The following ID2 variants were observed in gnomAD, a reference collection of about 807,000 sequenced individuals.
The protein encoded by ID2 is inhibitor of DNA binding 2.
In ID2, 2 loss-of-function variants were observed where a neutral mutation model predicts 8.3. That is an observed-to-expected ratio of 0.24 (90% confidence interval 0.10 to 0.76). The LOEUF is 0.76. Ranked by LOEUF, ID2 falls within the 30% of genes least tolerant of loss-of-function variation. ID2 has a pLI of 0.73. For synonymous variants in ID2, 112 were observed against 72.3 expected (o/e 1.55, Z -2.79); for missense variants, 155 against 167.0 (o/e 0.93, Z 0.40).
intron 1 of ID2, 26 bp downstream of exon 1, chr2:8,682,539 C>G (rs750362423): frequency 1.9e-6 from 3 of 1,555,422 alleles, no homozygotes; most frequent in Non-Finnish European, 2.6e-6. Flanking sequence ...GGGTCCCCGC[C>G]CCGCCGCCGC....
In ID2 at chr2:8,684,091, CTTT is replaced by C. The variant is rs949684920; in HGVS notation, c.*417_*419del. On this transcript the variant is annotated 3_prime_UTR_variant, in exon 3 of 3. Coordinates refer to ENST00000396290, the MANE Select transcript of ID2 (RefSeq NM_002166.5). ...ATGAAGTCTTTTGGTCAGAAATTACCTTTTTGACACAAGCCTACTGAATGCTGT... is the reference window on the plus strand; with the variant it reads ...ATGAAGTCTTTTGGTCAGAAATTACCTTGACACAAGCCTACTGAATGCTGT... 3.3e-5 allele frequency: 5 copies of C among 152,170 alleles called. No homozygotes were observed. Among genetic ancestry groups the C allele is most frequent in the African/African-American group, 9.7e-5 (4 of 41,354 alleles). The allele number at this position is 152,170 out of a possible 1,614,324, so 9.4% of individuals were successfully genotyped here.
Position 8,682,479 on chromosome 2 carries a change from C to T in ID2, c.314C>T (p.Thr105Ile). ...CAGGCGTCCAGGACGCCGCTGACCA[C>T]CCTCAACACGGATATCAGCATCCTG... Reference protein sequence around the residue: ...QNQASRTPLTTLNTDISILSL... With the variant: ...QNQASRTPLTILNTDISILSL... The change falls in exon 1 of 3, where the codon ACC becomes ATC. Residue 105 changes from threonine to isoleucine, a missense_variant. Thr to Ile is a moderately conservative substitution (Grantham distance 89). Around this residue, in one of 3 missense-constraint regions of ID2, gnomAD observed 75 missense variants for 72.2 expected, o/e 1.04. Coordinates refer to ENST00000396290, the MANE Select transcript of ID2 (RefSeq NM_002166.5). 6.2e-7 allele frequency: 1 copy of T among 1,613,402 alleles called. No homozygotes were observed. The highest frequency in any genetic ancestry group is 1.1e-5 in the South Asian group (1 of 91,076).
chr2:8,683,052 T>G, intron 2 of ID2, 146 bp downstream of exon 2: 1 of 681,302 alleles, frequency 1.5e-6, no homozygotes, highest in Non-Finnish European at 2.7e-6. Flanking sequence ...CTACATTGTC[T>G]CACTAGACAT....
Position 8,682,396 on chromosome 2 carries a change from C to T in ID2, c.231C>T (p.Ile77=). The change falls in exon 1 of 3, where the codon ATC becomes ATT. Residue 77 remains isoleucine, a synonymous_variant. Transcript: ENST00000396290. ...TCGACTACATCTTGGACCTGCAGAT[C>T]GCCCTGGACTCGCATCCCACTATTG... ...HVIDYILDLQ[I]ALDSHPTIVS... 2 of 1,613,928 alleles carry T rather than the reference C, an allele frequency of 1.2e-6. No homozygotes were observed. The highest frequency in any genetic ancestry group is 2.2e-5 in the East Asian group (1 of 44,884).
intron 1 of ID2, 83 bp from the exon 2 acceptor site, chr2:8,682,760 T>G: frequency 1.1e-6 from 1 of 928,570 alleles, no homozygotes; most frequent in Non-Finnish European, 1.6e-6. Context: ...GTCTGTGGAC[T>G]ACAAAAAAAA....
intron 1 of ID2, 145 bp from the exon 2 acceptor site, chr2:8,682,698 T>G: frequency 1.3e-6 from 1 of 741,002 alleles, no homozygotes; most frequent in Non-Finnish European, 2.3e-6. Flanking sequence ...TGTTAATGCG[T>G]CTGTCTTTAA....
intron 2 of ID2, 145 bp downstream of exon 2, chr2:8,683,051 C>T (rs1662134453): frequency 4.3e-6 from 3 of 699,100 alleles, no homozygotes; most frequent in Non-Finnish European, 7.9e-6. Context: ...ACTACATTGT[C>T]TCACTAGACA....
intron 2 of ID2, 50 bp from the exon 3 acceptor site, chr2:8,683,619 AGTCGCCCGCCTCTGCC>A (rs1662155889): frequency 2.6e-5 from 4 of 152,332 alleles, no homozygotes; most frequent in African/African-American, 9.7e-5. Context: ...TCCCGGCGCC[AGTCGCCCGCCTCTGCC>A]CTTAGGTTAC....
rs1481663737 is a variant in ID2, at chr2:8,682,478, A to G, written c.313A>G (p.Thr105Ala). 1.3e-5 allele frequency: 21 copies of G among 1,613,170 alleles called. No individual in the cohort carries two copies. Among genetic ancestry groups the G allele is most frequent in the Non-Finnish European group, 1.7e-5 (20 of 1,179,960 alleles). The change falls in exon 1 of 3, where the codon ACC (threonine) becomes GCC (alanine). Residue 105 changes from threonine (T) to alanine (A), a missense_variant. By Grantham distance (58) the Thr-to-Ala change is moderately conservative. This residue lies in a region of ID2 where 75 missense variants were observed against 72.2 expected (regional missense o/e 1.04). Coordinates refer to ENST00000396290, the MANE Select transcript of ID2 (RefSeq NM_002166.5). ...CCAGGCGTCCAGGACGCCGCTGACC[A>G]CCCTCAACACGGATATCAGCATCCT... ...QNQASRTPLT[T>A]LNTDISILSL...
Position 8,683,798 on chromosome 2 carries a change from A to C in ID2, c.*121A>C, listed in dbSNP as rs1197646394. On this transcript the variant is annotated 3_prime_UTR_variant, in exon 3 of 3. Coordinates refer to ENST00000396290, the MANE Select transcript of ID2 (RefSeq NM_002166.5). ...TTCACAAGGAGGACAAGTTGAATGG[A>C]CCTTTTTAAAAAGAAAAAAAAAATG... is the stretch of plus-strand genomic sequence containing the variant. The C allele has an allele frequency of 6.7e-6, 1 of 149,978 alleles. No homozygotes were observed. Among genetic ancestry groups the C allele is most frequent in the Non-Finnish European group, 1.5e-5 (1 of 67,784 alleles). 9.3% of individuals were successfully genotyped at this position (149,978 alleles called of 1,614,324 possible).
In ID2 at chr2:8,682,459, G is replaced by A. The variant is rs781291332; in HGVS notation, c.294G>A (p.Ala98=). 4.3e-6 allele frequency: 7 copies of A among 1,613,416 alleles called. No individual in the cohort carries two copies. The highest frequency in any genetic ancestry group is 5.9e-6 in the Non-Finnish European group (7 of 1,180,028). The part of the protein sequence containing the change: ...LHHQRPGQNQ[A]SRTPLTTLNT... ...ACCAGAGACCCGGGCAGAACCAGGCGTCCAGGACGCCGCTGACCACCCTCA... is the reference window on the plus strand; with the variant it reads ...ACCAGAGACCCGGGCAGAACCAGGCATCCAGGACGCCGCTGACCACCCTCA... Residue 98 remains alanine (A), a synonymous_variant, in exon 1 of 3, where the codon GCG becomes GCA. Coordinates refer to ENST00000396290, the MANE Select transcript of ID2 (RefSeq NM_002166.5).
At chr2:8,682,598 C>G in intron 1 of ID2, 85 bp downstream of exon 1, 2 of 968,752 alleles carry the variant, frequency 2.1e-6, no homozygotes, top group East Asian at 4.9e-5. Context: ...GTAGCCCAGA[C>G]GGTGACTTTC....
In ID2 at chr2:8,682,470, C is replaced by T. The variant is rs1399125971; in HGVS notation, c.305C>T (p.Pro102Leu). ...RPGQNQASRT[P>L]LTTLNTDISI... is the part of the protein sequence containing the mutation. ...GGGCAGAACCAGGCGTCCAGGACGC[C>T]GCTGACCACCCTCAACACGGATATC... The change falls in exon 1 of 3, where the codon CCG (proline) becomes CTG (leucine). Residue 102 changes from proline (P) to leucine (L), a missense_variant. Pro to Leu is a moderately conservative substitution (Grantham distance 98). Around this residue, in one of 3 missense-constraint regions of ID2, gnomAD observed 75 missense variants for 72.2 expected, o/e 1.04. Coordinates refer to ENST00000396290, the MANE Select transcript of ID2 (RefSeq NM_002166.5). The T allele has an allele frequency of 1.2e-6, 2 of 1,613,406 alleles. No homozygotes were observed. Among genetic ancestry groups the T allele is most frequent in the Non-Finnish European group, 1.7e-6 (2 of 1,180,008 alleles).
chr2:8,683,893 G>A lies in ID2; in HGVS notation c.*216G>A, dbSNP rs985157317. ...TTGGACTGTGATATTCGTTATTTAT[G>A]AAAAAGACTTTTAAATGCCCTTTCT... is the stretch of plus-strand genomic sequence containing the variant. On this transcript the variant is annotated 3_prime_UTR_variant, in exon 3 of 3. Transcript: ENST00000396290. 4 of 152,492 alleles carry A rather than the reference G, an allele frequency of 2.6e-5. No homozygotes were observed. Among genetic ancestry groups the A allele is most frequent in the Non-Finnish European group, 5.9e-5 (4 of 68,028 alleles). 9.4% of individuals were successfully genotyped at this position (152,492 alleles called of 1,614,324 possible). A position where few individuals can be genotyped will look rare whatever the true frequency, so the allele number is the denominator to read the frequency against.
At position 8,682,887 on chromosome 2, in the gene ID2, A is replaced by C. The variant is rs766410241; in HGVS notation, c.393A>C (p.Ala131=). The C allele has an allele frequency of 1.2e-6, 2 of 1,613,954 alleles. No individual in the cohort carries two copies. Among genetic ancestry groups the C allele is most frequent in the East Asian group, 4.5e-5 (2 of 44,890 alleles). ...PSELMSNDSK[A]LCG ...AGTTAATGTCAAATGACAGCAAAGC[A>C]CTGTGTGGCTGAATAAGCGGTGAGT... is the stretch of plus-strand genomic sequence containing the variant. Residue 131 remains alanine, a synonymous_variant, in exon 2 of 3, where the codon GCA becomes GCC. Coordinates refer to ENST00000396290, the MANE Select transcript of ID2 (RefSeq NM_002166.5).
chr2:8,682,235 C>T lies in ID2; in HGVS notation c.70C>T (p.Arg24Trp). 6.2e-7 allele frequency: 1 copy of T among 1,614,078 alleles called. No individual in the cohort carries two copies. The highest frequency in any genetic ancestry group is 8.5e-7 in the Non-Finnish European group (1 of 1,180,030). The stretch of plus-strand genomic sequence containing the variant: ...GTCGGACCACAGCCTGGGCATCTCC[C>T]GGAGCAAAACCCCTGTGGACGACCC... ...SLSDHSLGIS[R>W]SKTPVDDPMS... Residue 24 changes from arginine (R) to tryptophan (W), a missense_variant, in exon 1 of 3, where the codon CGG becomes TGG. Physicochemically the swap from Arg to Trp is moderately radical, Grantham distance 101. Around this residue, in one of 3 missense-constraint regions of ID2, gnomAD observed 73 missense variants for 72.2 expected, o/e 1.01. Transcript: ENST00000396290.
chr2:8,682,315 G>A lies in ID2; in HGVS notation c.150G>A (p.Val50=). 1 of 1,614,140 alleles carries A rather than the reference G, an allele frequency of 6.2e-7. No individual in the cohort carries two copies. Among genetic ancestry groups the A allele is most frequent in the Non-Finnish European group, 8.5e-7 (1 of 1,180,034 alleles). ...NDCYSKLKEL[V]PSIPQNKKVS... ...GCTACTCCAAGCTCAAGGAGCTGGT[G>A]CCCAGCATCCCCCAGAACAAGAAGG... The change falls in exon 1 of 3, where the codon GTG becomes GTA. Residue 50 remains valine, a synonymous_variant. Coordinates refer to ENST00000396290, the MANE Select transcript of ID2 (RefSeq NM_002166.5).
rs1471149389 is a variant in ID2 at position 8,682,426 on chromosome 2, C to T, written c.261C>T (p.Ser87=). 1.9e-6 allele frequency: 3 copies of T among 1,613,792 alleles called. No individual in the cohort carries two copies. The highest frequency in any genetic ancestry group is 1.1e-5 in the South Asian group (1 of 91,086). ...TGGACTCGCATCCCACTATTGTCAG[C>T]CTGCATCACCAGAGACCCGGGCAGA... ...IALDSHPTIV[S]LHHQRPGQNQ... is the part of the protein sequence containing the mutation. The change falls in exon 1 of 3, where the codon AGC becomes AGT. Residue 87 remains serine (S), a synonymous_variant. Coordinates refer to ENST00000396290, the MANE Select transcript of ID2 (RefSeq NM_002166.5).
chr2:8,683,554 G>T (rs1194388659), intron 2 of ID2, 131 bp from the exon 3 acceptor site: 1 of 152,226 alleles, frequency 6.6e-6, no homozygotes, highest in African/African-American at 2.4e-5. Flanking sequence ...GCATCTGGAC[G>T]CCAGGGTTTG....
Sources: gnomAD v4.1 joint callset for allele counts on GRCh38, gnomAD v4.1.1 for gene constraint, gnomAD v4.1.1 regional missense constraint, MANE v1.5 for transcripts, NCBI Gene and HGNC (gene_info 2026-07-23, HGNC 2026-07-21) for gene names.